Variants in BLTP1 observed in about 807,000 individuals in gnomAD.
BLTP1 encodes the protein bridge-like lipid transfer protein family member 1.
At chr4:122,196,487 C>T in the BLTP1 span, 1 of 586,540 alleles carries the variant, frequency 1.7e-6, no homozygotes, top group Non-Finnish European at 2.9e-6. Flanking sequence ...TCATTGATCT[C>T]TGGAAGTGTT....
At chr4:122,187,688 T>C in the BLTP1 span, among the ~76,000 whole-genome samples, 1 of 152,024 alleles carries the variant, frequency 6.6e-6, no homozygotes, top group African/African-American at 2.4e-5. Context: ...TCTGATAAAT[T>C]TGTGTTTAAA....
the BLTP1 span, chr4:122,224,949 G>C: frequency 8.1e-6 from 10 of 1,230,146 alleles, no homozygotes; most frequent in Non-Finnish European, 1.0e-5. Context: ...GAAAAATTCA[G>C]GATGAGTACT....
the BLTP1 span, chr4:122,174,225 T>C: frequency 1.0e-6 from 1 of 985,276 alleles, no homozygotes; most frequent in Non-Finnish European, 1.2e-6. Flanking sequence ...CAATGGCTGG[T>C]TCCTGCAGTC....
the BLTP1 span, among the ~76,000 whole-genome samples, chr4:122,230,843 A>T: frequency 2.0e-5 from 3 of 152,154 alleles, no homozygotes; most frequent in African/African-American, 7.2e-5. Context: ...GAAAATAATG[A>T]TCATAACCCC....
the BLTP1 span, chr4:122,214,277 C>A: frequency 2.1e-6 from 2 of 934,746 alleles, no homozygotes; most frequent in African/African-American, 1.8e-5. Flanking sequence ...TACCAAAATA[C>A]CATTATGTAA....
chr4:122,223,055 C>A, the BLTP1 span: 1 of 812,092 alleles, frequency 1.2e-6, no homozygotes, highest in Non-Finnish European at 1.5e-6. Context: ...ACCACTCTCC[C>A]CAGTTCCCTC....
At chr4:122,213,556 G>A in the BLTP1 span, among the ~76,000 whole-genome samples, 1 of 151,410 alleles carries the variant, frequency 6.6e-6, no homozygotes, top group East Asian at 1.9e-4. Context: ...TCTTTTTTTA[G>A]TTATCAAAAT....
At chr4:122,350,402 G>A in the BLTP1 span, 4 of 984,652 alleles carry the variant, frequency 4.1e-6, no homozygotes, top group Non-Finnish European at 4.8e-6. Context: ...GGATTTATTA[G>A]GTGATAAGCA....
At chr4:122,288,822 C>G in the BLTP1 span, 1 of 294,148 alleles carries the variant, frequency 3.4e-6, no homozygotes, top group Admixed American at 6.5e-5. Context: ...TATATAACTT[C>G]GATTTGCTCC....
the BLTP1 span, chr4:122,262,896 G>A: frequency 6.2e-7 from 1 of 1,614,096 alleles, no homozygotes; most frequent in Non-Finnish European, 8.5e-7. Context: ...CTACCTGACT[G>A]GAAGCTTCCC....
At chr4:122,256,099 T>C in the BLTP1 span, 19 of 982,986 alleles carry the variant, frequency 1.9e-5, no homozygotes, top group Non-Finnish European at 2.3e-5. Flanking sequence ...TTAGAACTTT[T>C]AGGATCTCTC....
chr4:122,265,421 G>A, the BLTP1 span, among the ~76,000 whole-genome samples: 3 of 152,054 alleles, frequency 2.0e-5, no homozygotes, highest in Non-Finnish European at 4.4e-5. Context: ...TATTTTCAAT[G>A]TGGTTGGTTG....
the BLTP1 span, among the ~76,000 whole-genome samples, chr4:122,265,336 G>A: frequency 1.3e-5 from 2 of 152,048 alleles, no homozygotes; most frequent in Admixed American, 6.5e-5. Flanking sequence ...GTCAATAATT[G>A]TTACACTGTA....
the BLTP1 span, chr4:122,246,874 C>A: frequency 1.9e-6 from 3 of 1,559,504 alleles, no homozygotes; most frequent in South Asian, 3.6e-5. Context: ...AAGCCTTGAT[C>A]ATCTTTTCTT....
At chr4:122,188,737 C>T in the BLTP1 span, among the ~76,000 whole-genome samples, 2 of 151,138 alleles carry the variant, frequency 1.3e-5, no homozygotes, top group East Asian at 3.9e-4. Flanking sequence ...TATGTTTTTT[C>T]TCAATTTTTG....
At chr4:122,190,766 T>C in the BLTP1 span, among the ~76,000 whole-genome samples, 1 of 152,128 alleles carries the variant, frequency 6.6e-6, no homozygotes, top group Non-Finnish European at 1.5e-5. Context: ...ATTCATCTAG[T>C]TAGAATTCTT....
At chr4:122,254,297 A>G in the BLTP1 span, 2 of 1,613,458 alleles carry the variant, frequency 1.2e-6, no homozygotes, top group Non-Finnish European at 1.7e-6. Context: ...AATTTGGTTT[A>G]GTTTTGCAGC....
At chr4:122,258,159 A>G in the BLTP1 span, among the ~76,000 whole-genome samples, 1 of 152,214 alleles carries the variant, frequency 6.6e-6, no homozygotes, top group African/African-American at 2.4e-5. Flanking sequence ...GCCAAAGATT[A>G]ATTTTTATTA....
At chr4:122,221,036 C>T in the BLTP1 span, 2 of 965,824 alleles carry the variant, frequency 2.1e-6, no homozygotes, top group Non-Finnish European at 2.5e-6. Flanking sequence ...AAATGGCTTT[C>T]TGTGGCAACT....
Sources: gnomAD v4.1 joint callset for allele counts (sites outside exome capture counted in the v4.1 genomes callset) on GRCh38, gnomAD v4.1.1 for gene constraint, MANE v1.5 for transcripts, NCBI Gene and HGNC (gene_info 2026-07-23, HGNC 2026-07-21) for gene names.